CGRRF1: variants seen among roughly 807,000 people sequenced by gnomAD.
The protein encoded by CGRRF1 is cell growth regulator with RING finger domain protein 1.
Under a neutral mutation model 37.2 loss-of-function variants are expected in CGRRF1, and 32 were observed. That is an observed-to-expected ratio of 0.86 (90% CI 0.65 to 1.16). The LOEUF (loss-of-function observed/expected upper bound fraction) is 1.16, where lower values mean the gene tolerates loss of function less well. Ranked by LOEUF, CGRRF1 falls within the 50% of genes most tolerant of loss-of-function variation. CGRRF1 has a pLI of 0.00. For missense variants in CGRRF1, 391 were observed against 382.6 expected, an observed-to-expected ratio of 1.02 and a Z score of -0.18; for synonymous variants, 141 against 140.3, an observed-to-expected ratio of 1.00 and a Z score of -0.04.
chr14:54,523,774 T>C (rs1345925034), intron 2 of CGRRF1, among the ~76,000 whole-genome samples: 1 of 152,210 alleles, frequency 6.6e-6, no homozygotes, highest in Non-Finnish European at 1.5e-5. Context: ...ATGAATTCAA[T>C]TTTGAACTTT....
intron 1 of CGRRF1, among the ~76,000 whole-genome samples, chr14:54,519,761 T>C (rs1437735612): frequency 6.6e-6 from 1 of 152,214 alleles, no homozygotes; most frequent in Non-Finnish European, 1.5e-5. Flanking sequence ...CTTTGTTTCT[T>C]TGCTTTTTTT....
In CGRRF1 at chr14:54,509,965, T is replaced by C. The variant is rs1269644831; in HGVS notation, c.6T>C (p.Ala2=). 2.5e-6 allele frequency: 4 copies of C among 1,612,282 alleles called. No homozygotes were observed. Among genetic ancestry groups the C allele is most frequent in the Non-Finnish European group, 3.4e-6 (4 of 1,178,410 alleles). Reference sequence around the variant, plus strand: ...CTACCCAGAGCAAGACCCTGATGGCTGCGGTGTTTCTGGTAACGCTTTATG... The same window carrying C: ...CTACCCAGAGCAAGACCCTGATGGCCGCGGTGTTTCTGGTAACGCTTTATG... M[A]AVFLVTLYEY... is the part of the protein sequence containing the mutation. The change falls in exon 1 of 6, where the codon GCT becomes GCC. Residue 2 remains alanine (A), a synonymous_variant. Coordinates refer to ENST00000216420, the MANE Select transcript of CGRRF1 (RefSeq NM_006568.3).
chr14:54,523,372 T>C (rs28516373), intron 2 of CGRRF1: 3,096 of 154,182 alleles, frequency 0.02, 89 homozygotes, highest in African/African-American at 0.069. Flanking sequence ...GTTGTTTGCT[T>C]TTGTACTTGC....
At chr14:54,534,075 TATG>T (rs1305713357) in intron 4 of CGRRF1, among the ~76,000 whole-genome samples, 1 of 152,216 alleles carries the variant, frequency 6.6e-6, no homozygotes, top group Non-Finnish European at 1.5e-5. Context: ...ATATAACTAG[TATG>T]ATAATAGCTT....
chr14:54,527,581 G>C (rs1192648983), intron 2 of CGRRF1, among the ~76,000 whole-genome samples: 2 of 152,008 alleles, frequency 1.3e-5, no homozygotes, highest in Non-Finnish European at 2.9e-5. Flanking sequence ...AAAGGTCTCT[G>C]ACACTCTTCC....
chr14:54,531,151 A>G, intron 4 of CGRRF1, 101 bp downstream of exon 4: 1 of 1,000,682 alleles, frequency 1.0e-6, no homozygotes, highest in South Asian at 1.6e-5. Context: ...ATTTCTGAGG[A>G]TGTGCATTTG....
rs1337476269 is a variant in CGRRF1 at position 54,537,743 on chromosome 14, C to T, written c.592C>T (p.His198Tyr). 3 of 1,581,076 alleles carry T rather than the reference C, an allele frequency of 1.9e-6. No homozygotes were observed. The highest frequency in any genetic ancestry group is 2.6e-6 in the Non-Finnish European group (3 of 1,168,580). The stretch of plus-strand genomic sequence containing the variant: ...TTAGATTTCCATGGTGTCAGTGATT[C>T]ATATTCCTGATAGGACTTATAAACT... ...YDIISMVSVI[H>Y]IPDRTYKLSC... is the part of the protein sequence containing the mutation. Residue 198 changes from histidine (H) to tyrosine (Y), a missense_variant, in exon 5 of 6, where the codon CAT becomes TAT. Physicochemically the swap from His to Tyr is moderately conservative, Grantham distance 83. Transcript: ENST00000216420.
chr14:54,512,861 T>C (rs750687025), intron 1 of CGRRF1, among the ~76,000 whole-genome samples: 2 of 152,224 alleles, frequency 1.3e-5, no homozygotes, highest in Non-Finnish European at 2.9e-5. Flanking sequence ...TCCTCCACAT[T>C]TCTAAACTAT....
intron 1 of CGRRF1, among the ~76,000 whole-genome samples, chr14:54,512,218 G>A (rs770758402): frequency 2.0e-5 from 3 of 152,112 alleles, no homozygotes; most frequent in Non-Finnish European, 4.4e-5. Flanking sequence ...ACTTCTCTGA[G>A]TTTTTCACTA....
chr14:54,522,841 T>C (rs2032344732), intron 2 of CGRRF1, among the ~76,000 whole-genome samples: 2 of 152,228 alleles, frequency 1.3e-5, no homozygotes, highest in African/African-American at 2.4e-5. Flanking sequence ...GAATGAAGTA[T>C]TACAGGTGTT....
At chr14:54,511,606 T>G (rs1594644644) in intron 1 of CGRRF1, among the ~76,000 whole-genome samples, 2 of 152,228 alleles carry the variant, frequency 1.3e-5, no homozygotes, top group South Asian at 4.1e-4. Context: ...TAATTAGATA[T>G]CTTAGATATC....
intron 4 of CGRRF1, among the ~76,000 whole-genome samples, chr14:54,535,393 A>ACACACACACACACACACACC (rs1252336754): frequency 6.6e-6 from 1 of 150,954 alleles, no homozygotes; most frequent in African/African-American, 2.4e-5. Context: ...ACACACACAC[A>ACACACACACACACACACACC]CTTTTTGTAA....
chr14:54,525,852 T>C (rs376984106), intron 2 of CGRRF1, among the ~76,000 whole-genome samples: 1 of 152,112 alleles, frequency 6.6e-6, no homozygotes, highest in East Asian at 1.9e-4. Flanking sequence ...ATCCCAGTAC[T>C]CTGGGAGGCT....
chr14:54,533,398 C>T (rs1273383360), intron 4 of CGRRF1, among the ~76,000 whole-genome samples: 6 of 152,024 alleles, frequency 3.9e-5, no homozygotes, highest in African/African-American at 1.4e-4. Context: ...TGTCTGGGTC[C>T]TTTTGAATGT....
chr14:54,534,764 G>C (rs1307783440), intron 4 of CGRRF1, among the ~76,000 whole-genome samples: 1 of 152,162 alleles, frequency 6.6e-6, no homozygotes, highest in African/African-American at 2.4e-5. Flanking sequence ...CACCAGGCTG[G>C]AATATAGTGG....
chr14:54,533,701 A>G (rs2032556608), intron 4 of CGRRF1, among the ~76,000 whole-genome samples: 1 of 151,930 alleles, frequency 6.6e-6, no homozygotes, highest in Non-Finnish European at 1.5e-5. Flanking sequence ...ACAGTTAGGA[A>G]CCACTTTGTT....
intron 5 of CGRRF1, 22 bp from the exon 6 acceptor site, chr14:54,538,041 A>G (rs1374584056): frequency 1.4e-5 from 21 of 1,543,046 alleles, no homozygotes; most frequent in Non-Finnish European, 1.8e-5. Context: ...ATAATCTTTA[A>G]ATTTATTTCT....
chr14:54,525,198 C>A (rs2032392688), intron 2 of CGRRF1, among the ~76,000 whole-genome samples: 1 of 152,198 alleles, frequency 6.6e-6, no homozygotes, highest in Non-Finnish European at 1.5e-5. Flanking sequence ...GGCCTTCCTT[C>A]CTGCAGTACA....
At chr14:54,520,882 A>G (rs2032305739) in intron 1 of CGRRF1, among the ~76,000 whole-genome samples, 1 of 151,646 alleles carries the variant, frequency 6.6e-6, no homozygotes, top group South Asian at 2.1e-4. Context: ...TTTCTTTTTT[A>G]TCTATCACTG....
Sources: allele counts gnomAD v4.1 joint callset (sites outside exome capture counted in the v4.1 genomes callset), GRCh38; gene constraint gnomAD v4.1.1; transcripts MANE v1.5; gene names NCBI Gene and HGNC (gene_info 2026-07-23, HGNC 2026-07-21).